Variants in MC2R observed in about 807,000 individuals in gnomAD.
The protein encoded by MC2R is adrenocorticotropic hormone receptor.
MC2R carries 9 observed loss-of-function variants against 9.8 expected under a neutral mutation model. The ratio of observed to expected loss-of-function variants is 0.92; its 90% CI spans 0.55 to 1.60. The LOEUF (loss-of-function observed/expected upper bound fraction) is 1.60, where lower values mean the gene tolerates loss of function less well. MC2R is among the 40% of genes most tolerant of loss of function. The pLI, the probability that MC2R is intolerant of heterozygous loss-of-function variation, is 0.00. For missense variants in MC2R, 370 were observed against 389.0 expected (o/e 0.95, Z 0.41); for synonymous variants, 185 against 154.7 (o/e 1.20, Z -1.45).
intron 1 of MC2R, among the ~76,000 whole-genome samples, chr18:13,896,483 A>G (rs2045346888): frequency 6.6e-6 from 1 of 152,240 alleles, no homozygotes; most frequent in African/African-American, 2.4e-5. Flanking sequence ...TTGGAACCTA[A>G]TGTGAACAAT....
chr18:13,897,161 A>AC (rs1217745476), intron 1 of MC2R, among the ~76,000 whole-genome samples: 1 of 151,578 alleles, frequency 6.6e-6, no homozygotes, highest in Non-Finnish European at 1.5e-5. Context: ...ACCCCCCCAA[A>AC]CCCCCCAGTG....
intron 1 of MC2R, among the ~76,000 whole-genome samples, chr18:13,890,595 G>A (rs936261674): frequency 2.0e-5 from 3 of 152,242 alleles, no homozygotes; most frequent in Admixed American, 6.5e-5. Flanking sequence ...GCTCCTCTCC[G>A]CGTCCCAGCT....
At chr18:13,900,014 A>G (rs938362798) in intron 1 of MC2R, among the ~76,000 whole-genome samples, 1 of 152,168 alleles carries the variant, frequency 6.6e-6, no homozygotes, top group Non-Finnish European at 1.5e-5. Context: ...AAGTACAGAG[A>G]CTAAGCAATC....
intron 1 of MC2R, among the ~76,000 whole-genome samples, chr18:13,894,422 G>A (rs2045334865): frequency 1.3e-5 from 2 of 152,148 alleles, no homozygotes; most frequent in African/African-American, 4.8e-5. Flanking sequence ...CAAAGAGGTA[G>A]ACCTCCCTAA....
At chr18:13,893,131 G>A (rs2045326911) in intron 1 of MC2R, among the ~76,000 whole-genome samples, 1 of 152,166 alleles carries the variant, frequency 6.6e-6, no homozygotes, top group Non-Finnish European at 1.5e-5. Flanking sequence ...ACATGCATAC[G>A]ATTGATTGCT....
intron 1 of MC2R, among the ~76,000 whole-genome samples, chr18:13,894,692 T>C (rs965203048): frequency 6.6e-6 from 1 of 152,216 alleles, no homozygotes; most frequent in African/African-American, 2.4e-5. Flanking sequence ...CTGTATTTTC[T>C]AGCATTCTCC....
At position 13,882,545 on chromosome 18, in the gene MC2R, C is replaced by G. The variant is rs915109381; in HGVS notation, c.*2080G>C. 6.6e-6 allele frequency: 1 copy of G among 152,172 alleles called. No individual in the cohort carries two copies. The highest frequency in any genetic ancestry group is 1.5e-5 in the Non-Finnish European group (1 of 68,030). The allele number at this position is 152,172 out of a possible 1,614,324, so 9.4% of individuals were successfully genotyped here. A position where few individuals can be genotyped will look rare whatever the true frequency, so the allele number is the denominator to read the frequency against. On this transcript the variant is annotated 3_prime_UTR_variant, in exon 2 of 2. Coordinates refer to ENST00000327606, the MANE Select transcript of MC2R (RefSeq NM_000529.2). ...TTCTTGGTGATTTTCCTTCTGACAACAGTCACATGCACAGCAGAGAGCTTG... is the reference window on the plus strand; with the variant it reads ...TTCTTGGTGATTTTCCTTCTGACAAGAGTCACATGCACAGCAGAGAGCTTG...
At chr18:13,896,144 T>C (rs921655784) in intron 1 of MC2R, among the ~76,000 whole-genome samples, 1 of 152,224 alleles carries the variant, frequency 6.6e-6, no homozygotes, top group Non-Finnish European at 1.5e-5. Context: ...AGCACGATGT[T>C]GTTCTAATAA....
Position 13,884,402 on chromosome 18 carries a change from A to G in MC2R, c.*223T>C, listed in dbSNP as rs369247895. On this transcript the variant is annotated 3_prime_UTR_variant, in exon 2 of 2. Coordinates refer to ENST00000327606, the MANE Select transcript of MC2R (RefSeq NM_000529.2). ...ATACTTTGTATTCTATCCTTCTTTT[A>G]CTACATCGTTTTATCTGTCCAGTCA... 38 of 603,176 alleles carry G rather than the reference A, an allele frequency of 6.3e-5. No homozygotes were observed. Among genetic ancestry groups the G allele is most frequent in the East Asian group, 5.1e-4 (18 of 35,480 alleles). The allele number at this position is 603,176 out of a possible 1,614,324, so 37.4% of individuals were successfully genotyped here. A position where few individuals can be genotyped will look rare whatever the true frequency, so the allele number is the denominator to read the frequency against.
chr18:13,895,054 C>T (rs1057488971), intron 1 of MC2R, among the ~76,000 whole-genome samples: 1 of 152,188 alleles, frequency 6.6e-6, no homozygotes, highest in Admixed American at 6.5e-5. Context: ...GCAAATTTGA[C>T]ACCCTCTTCT....
chr18:13,905,501 A>G (rs938401261), intron 1 of MC2R, among the ~76,000 whole-genome samples: 6 of 152,042 alleles, frequency 3.9e-5, no homozygotes, highest in African/African-American at 1.2e-4. Context: ...AAAAAAGCTC[A>G]AGATCACTGA....
At chr18:13,891,093 G>A (rs1305038320) in intron 1 of MC2R, among the ~76,000 whole-genome samples, 1 of 152,200 alleles carries the variant, frequency 6.6e-6, no homozygotes, top group East Asian at 1.9e-4. Context: ...GGAAAACTGG[G>A]CTGTCAACTC....
At chr18:13,894,854 C>T (rs777220568) in intron 1 of MC2R, among the ~76,000 whole-genome samples, 1 of 152,222 alleles carries the variant, frequency 6.6e-6, no homozygotes, top group Non-Finnish European at 1.5e-5. Flanking sequence ...TAAGCCCAAA[C>T]AAGATCAAAT....
At chr18:13,908,160 T>G (rs2045424116) in intron 1 of MC2R, among the ~76,000 whole-genome samples, 1 of 152,166 alleles carries the variant, frequency 6.6e-6, no homozygotes, top group Admixed American at 6.5e-5. Context: ...ATGAATAAAA[T>G]GTGGTATATA....
chr18:13,904,473 C>T (rs140722651), intron 1 of MC2R, among the ~76,000 whole-genome samples: 32 of 152,068 alleles, frequency 2.1e-4, no homozygotes, highest in African/African-American at 7.2e-4. Flanking sequence ...AAAGCCTTTC[C>T]TCTAAGATCT....
chr18:13,900,702 C>A (rs57850051), intron 1 of MC2R, among the ~76,000 whole-genome samples: 3 of 152,024 alleles, frequency 2.0e-5, no homozygotes, highest in Non-Finnish European at 4.4e-5. Flanking sequence ...GAGGATATAA[C>A]AATTTTAAAT....
At chr18:13,889,753 T>C (rs1398157107) in intron 1 of MC2R, among the ~76,000 whole-genome samples, 2 of 152,216 alleles carry the variant, frequency 1.3e-5, no homozygotes, top group South Asian at 2.1e-4. Flanking sequence ...GGCTCTATTA[T>C]GTGTTAAATT....
In MC2R at chr18:13,884,823, C is replaced by A; in HGVS notation, c.696G>T (p.Trp232Cys). The A allele has an allele frequency of 6.2e-7, 1 of 1,613,880 alleles. No homozygotes were observed. The highest frequency in any genetic ancestry group is 8.5e-7 in the Non-Finnish European group (1 of 1,180,006). ...AGAGGACATGAAGCACAAAGGGGGC[C>A]CAGCAGAAGATGAAGACCCCGAGCA... Reference protein sequence around the residue: ...TILLGVFIFCWAPFVLHVLLM... With the variant: ...TILLGVFIFCCAPFVLHVLLM... Residue 232 changes from tryptophan to cysteine, a missense_variant, in exon 2 of 2, where the codon TGG becomes TGT. Coordinates refer to ENST00000327606, the MANE Select transcript of MC2R (RefSeq NM_000529.2).
Position 13,885,530 on chromosome 18 carries a change from G to T in MC2R, c.-12C>A, listed in dbSNP as rs2045270972. Reference sequence around the variant, plus strand: ...ATAATGTGCTTCATTTCTCCTGCTTGTGGTTAAGGCGGGGATGTTACTTGG... The same window carrying T: ...ATAATGTGCTTCATTTCTCCTGCTTTTGGTTAAGGCGGGGATGTTACTTGG... On this transcript the variant is annotated 5_prime_UTR_variant, in exon 2 of 2. Coordinates refer to ENST00000327606, the MANE Select transcript of MC2R (RefSeq NM_000529.2). 6.2e-7 allele frequency: 1 copy of T among 1,613,974 alleles called. No individual in the cohort carries two copies. Among genetic ancestry groups the T allele is most frequent in the Non-Finnish European group, 8.5e-7 (1 of 1,179,994 alleles).
Sources: gnomAD v4.1 joint callset for allele counts (sites outside exome capture counted in the v4.1 genomes callset) on GRCh38, gnomAD v4.1.1 for gene constraint, MANE v1.5 for transcripts, NCBI Gene and HGNC (gene_info 2026-07-23, HGNC 2026-07-21) for gene names.